Variants in SV2B observed in about 807,000 individuals in gnomAD.
SV2B encodes the protein solute carrier family 22 member B2.
A neutral mutation model predicts 73.9 loss-of-function variants in SV2B; 41 were observed. The observed-to-expected ratio is 0.56, with a 90% CI of 0.43 to 0.72. SV2B has a LOEUF of 0.72. Among genes scored for constraint, SV2B ranks in the 30% least tolerant of loss-of-function variants. The probability of loss-of-function intolerance (pLI) is 0.00; values close to 1 mark genes in which losing one functional copy is unlikely to be tolerated. For missense variants in SV2B, 764 were observed against 857.8 expected (o/e 0.89, Z 1.37); for synonymous variants, 314 against 314.2 (o/e 1.00, Z 0.01).
Position 91,289,790 on chromosome 15 carries a change from G to A in SV2B, c.1868+110G>A. ...GCATGGCCATCGTGGTCTTTCTGCT[G>A]TTCCGTGAAACAAACATCTTTTATG... On this transcript the variant is annotated intron_variant, in intron 12 of 12. Coordinates refer to ENST00000394232, the MANE Select transcript of SV2B (RefSeq NM_001323032.3). This position sits in a 1 kb window ranked among gnomAD's most constrained non-coding sequence, Gnocchi z 4.9. The A allele has an allele frequency of 8.1e-7, 1 of 1,231,370 alleles. No individual in the cohort carries two copies. Among genetic ancestry groups the A allele is most frequent in the Non-Finnish European group, 1.1e-6 (1 of 897,646 alleles). 76.3% of individuals were successfully genotyped at this position (1,231,370 alleles called of 1,614,324 possible).
At chr15:91,162,790 C>T (rs1479980796) in intron 1 of SV2B, among the ~76,000 whole-genome samples, 2 of 152,150 alleles carry the variant, frequency 1.3e-5, no homozygotes, top group Admixed American at 1.3e-4. Context: ...TTTTATTATA[C>T]TTTAAGTTCT....
intron 1 of SV2B, among the ~76,000 whole-genome samples, chr15:91,150,498 T>C (rs182144372): frequency 6.6e-6 from 1 of 152,324 alleles, no homozygotes; most frequent in African/African-American, 2.4e-5. Flanking sequence ...AAGTTGCAAA[T>C]AAAACTTGGC....
At position 91,226,696 on chromosome 15, in the gene SV2B, TCC is replaced by T; in HGVS notation, c.434_435del (p.Ser145Ter). The T allele has an allele frequency of 6.2e-7, 1 of 1,605,642 alleles. No homozygotes were observed. The highest frequency in any genetic ancestry group is 1.7e-5 in the Admixed American group (1 of 58,232). On this transcript the variant is annotated frameshift_variant, in exon 2 of 13. Transcript: ENST00000394232. LOFTEE classifies it high-confidence loss of function. ...AGAGAAGGACATGTGTCTGTCCAGT[TCC>T]AAAAAAGGAATGCTAGGTAAGTGGA... ...SAEKDMCLSS[S>X]KKGMLGMIVY...
chr15:91,285,004 T>G (rs2048811437), intron 11 of SV2B, among the ~76,000 whole-genome samples: 1 of 152,100 alleles, frequency 6.6e-6, no homozygotes, highest in Non-Finnish European at 1.5e-5. Flanking sequence ...GGACAACACA[T>G]TATTAATAAA....
chr15:91,226,846 A>G, intron 2 of SV2B, 132 bp downstream of exon 2: 1 of 1,146,682 alleles, frequency 8.7e-7, no homozygotes, highest in Non-Finnish European at 1.2e-6. Context: ...TTTTTGTCTT[A>G]GAGAAATCAA....
At chr15:91,256,501 A>G (rs2047695723) in intron 4 of SV2B, among the ~76,000 whole-genome samples, 1 of 152,188 alleles carries the variant, frequency 6.6e-6, no homozygotes, top group African/African-American at 2.4e-5. Flanking sequence ...GGTTTCGATC[A>G]CCTTTACTTC....
chr15:91,209,472 T>C (rs2045775825), intron 1 of SV2B, among the ~76,000 whole-genome samples: 1 of 152,198 alleles, frequency 6.6e-6, no homozygotes, highest in African/African-American at 2.4e-5. Context: ...GTTGACATTA[T>C]TTGGAATCTT....
Position 91,226,497 on chromosome 15 carries a change from A to G in SV2B, c.234A>G (p.Thr78=), listed in dbSNP as rs1392253404. 1 of 1,614,230 alleles carries G rather than the reference A, an allele frequency of 6.2e-7. No individual in the cohort carries two copies. The highest frequency in any genetic ancestry group is 8.5e-7 in the Non-Finnish European group (1 of 1,180,032). Residue 78 remains threonine, a synonymous_variant, in exon 2 of 13, where the codon ACA becomes ACG. Coordinates refer to ENST00000394232, the MANE Select transcript of SV2B (RefSeq NM_001323032.3). ...GAATGGACAGCCTTCGGGGCCAGAC[A>G]GACCTGATGGCTGAGAGGCTGGAAG... ...PSRMDSLRGQ[T]DLMAERLEDE... is the part of the protein sequence containing the mutation.
Position 91,265,154 on chromosome 15 carries a change from G to C in SV2B, c.1009-1428G>C, listed in dbSNP as rs1320793382. On this transcript the variant is annotated intron_variant, in intron 6 of 12. Transcript: ENST00000394232. The surrounding 1 kb of genome is among the most constrained non-coding windows in gnomAD (Gnocchi z 4.2). ...TCCTGTGCGTGTCCCATCAGCAGACGTGCTCATAGATGTATTCAGTGGCCT... is the reference window on the plus strand; with the variant it reads ...TCCTGTGCGTGTCCCATCAGCAGACCTGCTCATAGATGTATTCAGTGGCCT... Among the ~76,000 whole-genome samples the C allele has an allele frequency of 2.0e-5, 3 of 152,196 alleles. No individual in the cohort carries two copies. In the South Asian group the frequency reaches 6.2e-4, roughly 31 times the overall value.
chr15:91,140,703 T>G lies in SV2B; in HGVS notation c.-392+40340T>G, dbSNP rs1029948645. 2.0e-5 allele frequency among the ~76,000 whole-genome samples: 3 copies of G among 152,150 alleles called. No individual in the cohort carries two copies. The highest frequency in any genetic ancestry group is 7.2e-5 in the African/African-American group (3 of 41,420). On this transcript the variant is annotated intron_variant, in intron 1 of 12. Transcript: ENST00000394232. This position sits in a 1 kb window ranked among gnomAD's most constrained non-coding sequence, Gnocchi z 4.4. Reference sequence around the variant, plus strand: ...ACTAACCAGGACTGGGTGTGAGACATGTACTAGATACTTCTGTGGCTTAAA... The same window carrying G: ...ACTAACCAGGACTGGGTGTGAGACAGGTACTAGATACTTCTGTGGCTTAAA...
At position 91,111,602 on chromosome 15, in the gene SV2B, A is replaced by G. The variant is rs1242753378; in HGVS notation, c.-392+11239A>G. 2.0e-5 allele frequency among the ~76,000 whole-genome samples: 3 copies of G among 152,302 alleles called. No homozygotes were observed. In the East Asian group the frequency reaches 5.8e-4, roughly 29 times the overall value. On this transcript the variant is annotated intron_variant, in intron 1 of 12. Coordinates refer to ENST00000394232, the MANE Select transcript of SV2B (RefSeq NM_001323032.3). ...TGGGCTGTTGTGGGGAGGATAGGGA[A>G]TGGTTTCAGGAGAAGCATGTAGACC...
In SV2B at chr15:91,108,936, C is replaced by T. The variant is rs1596410722; in HGVS notation, c.-392+8573C>T. ...CCTGTTTTCTATACACACTTCTGCT[C>T]CACCCACCTCCTGTTCCCTTCAGTT... On this transcript the variant is annotated intron_variant, in intron 1 of 12. Coordinates refer to ENST00000394232, the MANE Select transcript of SV2B (RefSeq NM_001323032.3). 3.3e-5 allele frequency among the ~76,000 whole-genome samples: 5 copies of T among 152,328 alleles called. No individual in the cohort carries two copies. In the South Asian group the frequency reaches 1.0e-3, roughly 32 times the overall value.
At chr15:91,102,645 CAAAT>C (rs1366167044) in intron 1 of SV2B, among the ~76,000 whole-genome samples, 3 of 151,940 alleles carry the variant, frequency 2.0e-5, no homozygotes, top group East Asian at 1.9e-4. Context: ...AGATGATGGA[CAAAT>C]AAATAAGTAT....
chr15:91,193,259 ACCTG>A (rs1007410685), intron 1 of SV2B, among the ~76,000 whole-genome samples: 17 of 152,160 alleles, frequency 1.1e-4, no homozygotes, highest in Admixed American at 9.2e-4. Context: ...TGTTTACCAC[ACCTG>A]CCTGTTGCTC....
Position 91,289,687 on chromosome 15 carries a change from T to G in SV2B, c.1868+7T>G. On this transcript the variant is annotated splice_region_variant and intron_variant, in intron 12 of 12. Transcript: ENST00000394232. The surrounding 1 kb of genome is among the most constrained non-coding windows in gnomAD (Gnocchi z 4.9). ...TGTATCCCACCAACCAGAGGTCAGT[T>G]CTTCCCCAGGCTTTCCTCAGGGACT... 1 of 1,610,786 alleles carries G rather than the reference T, an allele frequency of 6.2e-7. No homozygotes were observed. The highest frequency in any genetic ancestry group is 8.5e-7 in the Non-Finnish European group (1 of 1,178,554).
intron 4 of SV2B, among the ~76,000 whole-genome samples, chr15:91,254,992 A>G (rs2269797): frequency 0.45 from 68,996 of 152,044 alleles, 18,414 homozygotes; most frequent in African/African-American, 0.74. Context: ...AGAGATGCAG[A>G]TCCGGAAGGG....
intron 1 of SV2B, among the ~76,000 whole-genome samples, chr15:91,185,943 T>C (rs2141333107): frequency 6.6e-6 from 1 of 152,304 alleles, no homozygotes; most frequent in African/African-American, 2.4e-5. Flanking sequence ...TGCAGTGAGG[T>C]GTGACCAGAT....
intron 1 of SV2B, among the ~76,000 whole-genome samples, chr15:91,215,758 A>G (rs1294811418): frequency 6.6e-6 from 1 of 152,162 alleles, no homozygotes; most frequent in Non-Finnish European, 1.5e-5. Flanking sequence ...CTTAATATTT[A>G]TTTACCTAAC....
Position 91,222,266 on chromosome 15 carries a change from G to A in SV2B, c.-391-3607G>A, listed in dbSNP as rs144040594. ...CAGTCTTATTTTCTGTAAAATGGGC[G>A]CAATAATAGTCCCACCTCATACGGT... is the stretch of plus-strand genomic sequence containing the variant. On this transcript the variant is annotated intron_variant, in intron 1 of 12. Transcript: ENST00000394232. 8.7e-4 allele frequency among the ~76,000 whole-genome samples: 132 copies of A among 152,236 alleles called. 1 individual carries two copies. Among genetic ancestry groups the A allele is most frequent in the African/African-American group, 2.5e-3 (104 of 41,540 alleles).
Sources: allele counts gnomAD v4.1 joint callset (sites outside exome capture counted in the v4.1 genomes callset), GRCh38; gene constraint gnomAD v4.1.1; non-coding constraint Gnocchi (gnomAD v3.1); transcripts MANE v1.5; gene names NCBI Gene and HGNC (gene_info 2026-07-23, HGNC 2026-07-21).